MSANTD7: variants seen among roughly 807,000 people sequenced by gnomAD.
MSANTD7 encodes Myb/SANT DNA binding domain containing 7.
At chr10:14,838,923 C>T in the MSANTD7 span, among the ~76,000 whole-genome samples, 1 of 152,136 alleles carries the variant, frequency 6.6e-6, no homozygotes, top group Non-Finnish European at 1.5e-5. Context: ...GTGGGAGGTC[C>T]TGGGAAAGTT....
At chr10:14,845,146 A>T in the MSANTD7 span, 2 of 985,310 alleles carry the variant, frequency 2.0e-6, no homozygotes, top group East Asian at 2.3e-4. Context: ...CTGGGGAGAG[A>T]TGAAGGTGAT....
the MSANTD7 span, chr10:14,846,182 C>T: frequency 1.3e-5 from 13 of 984,992 alleles, no homozygotes; most frequent in Middle Eastern, 5.2e-4. Flanking sequence ...TATTCATTCT[C>T]AATTGTCTTA....
the MSANTD7 span, chr10:14,844,423 C>T: frequency 1.0e-6 from 1 of 994,488 alleles, no homozygotes; most frequent in Non-Finnish European, 1.2e-6. Context: ...CTTTGCTGGT[C>T]TAACTTGACT....
chr10:14,845,448 C>T, the MSANTD7 span: 20 of 985,268 alleles, frequency 2.0e-5, no homozygotes, highest in South Asian at 2.3e-4. Context: ...CATGAGTAGA[C>T]GGCAAGCGAG....
the MSANTD7 span, chr10:14,843,885 C>G: frequency 1.3e-6 from 2 of 1,536,304 alleles, no homozygotes; most frequent in Non-Finnish European, 1.7e-6. Context: ...TTTCGAATAC[C>G]AAAAGCTAGG....
At chr10:14,841,929 C>T in the MSANTD7 span, among the ~76,000 whole-genome samples, 1 of 152,234 alleles carries the variant, frequency 6.6e-6, no homozygotes, top group Non-Finnish European at 1.5e-5. Context: ...TACCAACTCT[C>T]AGCCATGAAA....
chr10:14,846,090 GAACTTC>G, the MSANTD7 span: 1 of 982,854 alleles, frequency 1.0e-6, no homozygotes, highest in Non-Finnish European at 1.2e-6. Context: ...ATATGCTCAT[GAACTTC>G]TAAGTGCCAC....
chr10:14,846,064 G>T, the MSANTD7 span: 13 of 972,672 alleles, frequency 1.3e-5, no homozygotes, highest in Non-Finnish European at 1.5e-5. Flanking sequence ...GCATTCTGTG[G>T]TATTAATATT....
chr10:14,844,904 G>A, the MSANTD7 span: 2 of 985,288 alleles, frequency 2.0e-6, no homozygotes, highest in Middle Eastern at 5.2e-4. Flanking sequence ...TGTTATACAG[G>A]GCAAGCCCTA....
At chr10:14,843,448 C>A in the MSANTD7 span, 11 of 1,550,742 alleles carry the variant, frequency 7.1e-6, no homozygotes, top group African/African-American at 1.4e-4. Flanking sequence ...TCAGAGCAGC[C>A]CCATGGCCAG....
chr10:14,839,832 G>A, the MSANTD7 span: 5 of 1,085,476 alleles, frequency 4.6e-6, no homozygotes, highest in Non-Finnish European at 6.7e-6. Context: ...AGATGGCAAA[G>A]TAACACTGGT....
the MSANTD7 span, chr10:14,846,638 G>T: frequency 1.1e-6 from 1 of 948,016 alleles, no homozygotes; most frequent in African/African-American, 1.8e-5. Context: ...TTTATAAAGT[G>T]GGAAACTCAT....
At chr10:14,842,280 C>T in the MSANTD7 span, 1 of 1,534,942 alleles carries the variant, frequency 6.5e-7, no homozygotes, top group Non-Finnish European at 8.7e-7. This position sits in a 1 kb window ranked among gnomAD's most constrained non-coding sequence, Gnocchi z 5.2. Flanking sequence ...CCTTTCCAAC[C>T]CACAATGGCC....
At chr10:14,846,924 A>G in the MSANTD7 span, 1 of 985,332 alleles carries the variant, frequency 1.0e-6, no homozygotes, top group Admixed American at 6.1e-5. Context: ...GGTGCTATGT[A>G]TACCAACTTC....
chr10:14,843,988 G>A, the MSANTD7 span: 2 of 1,477,006 alleles, frequency 1.4e-6, no homozygotes, highest in Non-Finnish European at 8.9e-7. Flanking sequence ...TGTGTCCTCA[G>A]AAAAAAACAT....
At chr10:14,844,897 T>C in the MSANTD7 span, 16 of 985,450 alleles carry the variant, frequency 1.6e-5, no homozygotes, top group East Asian at 1.2e-3. Flanking sequence ...TCTAGTATGT[T>C]ATACAGGGCA....
the MSANTD7 span, chr10:14,841,194 A>G: frequency 2.0e-5 from 3 of 152,184 alleles, no homozygotes; most frequent in African/African-American, 4.8e-5. Context: ...CAAAAACTAT[A>G]GTTGTTTGGA....
chr10:14,838,514 C>T, the MSANTD7 span: 2 of 1,506,180 alleles, frequency 1.3e-6, no homozygotes, highest in South Asian at 1.2e-5. Context: ...GGTTTTCTGG[C>T]GCTGGGTCAT....
the MSANTD7 span, among the ~76,000 whole-genome samples, chr10:14,839,065 A>AAGCT: frequency 2.0e-5 from 3 of 152,190 alleles, no homozygotes; most frequent in Non-Finnish European, 2.9e-5. Flanking sequence ...TGGTCCCGCA[A>AAGCT]AGCTGCCTGG....
Sources: gnomAD v4.1 joint callset for allele counts (sites outside exome capture counted in the v4.1 genomes callset) on GRCh38, gnomAD v4.1.1 for gene constraint, Gnocchi (gnomAD v3.1) non-coding constraint, MANE v1.5 for transcripts, NCBI Gene and HGNC (gene_info 2026-07-23, HGNC 2026-07-21) for gene names.